VAC14: variants seen among roughly 807,000 people sequenced by gnomAD.
VAC14 encodes the protein VAC14 component of PIKFYVE complex.
VAC14 carries 47 observed loss-of-function variants against 85.3 expected under a neutral mutation model. The observed-to-expected ratio is 0.55, with a 90% CI of 0.44 to 0.70. The LOEUF is 0.70. VAC14 is among the 30% of genes least tolerant of loss of function. The probability of loss-of-function intolerance (pLI) is 0.00; values close to 1 mark genes in which losing one functional copy is unlikely to be tolerated. For missense variants in VAC14, 861 were observed against 1,004.3 expected (o/e 0.86, Z 1.93); for synonymous variants, 447 against 430.5 (o/e 1.04, Z -0.47).
chr16:70,749,834 C>A (rs1359246693), intron 12 of VAC14, among the ~76,000 whole-genome samples: 1 of 152,164 alleles, frequency 6.6e-6, no homozygotes, highest in Non-Finnish European at 1.5e-5. Context: ...CTCTGGAGCA[C>A]CAATCTCGAT....
chr16:70,786,172 A>G, intron 2 of VAC14, 43 bp downstream of exon 2: 1 of 1,601,250 alleles, frequency 6.2e-7, no homozygotes, highest in Non-Finnish European at 8.5e-7. Flanking sequence ...GGTCAGCGTC[A>G]AGGCCAGGAC....
chr16:70,706,745 GCCTC>G (rs1000711030), intron 14 of VAC14, among the ~76,000 whole-genome samples: 1 of 151,950 alleles, frequency 6.6e-6, no homozygotes, highest in Non-Finnish European at 1.5e-5. Context: ...ACCCGCCTCG[GCCTC>G]CCTAAGTGCT....
intron 14 of VAC14, chr16:70,715,838 C>G (rs2054154971): frequency 6.6e-6 from 1 of 152,218 alleles, no homozygotes; most frequent in African/African-American, 2.4e-5. Context: ...ACAGACCAGA[C>G]AGATACATGT....
intron 14 of VAC14, among the ~76,000 whole-genome samples, chr16:70,718,585 A>C (rs11645862): frequency 0.47 from 70,608 of 150,770 alleles, 18,054 homozygotes; most frequent in Non-Finnish European, 0.58. Context: ...AAAAAAAAAA[A>C]AACAAAAAAA....
Position 70,782,152 on chromosome 16 carries a change from T to G in VAC14, c.812-149A>C, listed in dbSNP as rs1401780227. On this transcript the variant is annotated intron_variant, in intron 7 of 18. Coordinates refer to ENST00000261776, the MANE Select transcript of VAC14 (RefSeq NM_018052.5). ...CCTCACCAATGCTCTACTACCTGTG[T>G]GCTTTGCCTTCCAAAGGTGGAGACA... 5 of 1,164,682 alleles carry G rather than the reference T, an allele frequency of 4.3e-6. No individual in the cohort carries two copies. The Admixed American group carries it at 1.4e-4, about 32-fold the overall frequency. 72.1% of individuals were successfully genotyped at this position (1,164,682 alleles called of 1,614,324 possible).
At position 70,798,290 on chromosome 16, in the gene VAC14, T is replaced by G. The variant is rs552991941; in HGVS notation, c.104+2507A>C. 1.6e-4 allele frequency among the ~76,000 whole-genome samples: 25 copies of G among 152,324 alleles called. No individual in the cohort carries two copies. In the South Asian group the frequency reaches 2.9e-3, roughly 18 times the overall value. On this transcript the variant is annotated intron_variant, in intron 1 of 18. Transcript: ENST00000261776. ...ACTTTCATTTAGGGAGCACATGAACTGACTCATTTACACTACATAGATAAC... is the reference window on the plus strand; with the variant it reads ...ACTTTCATTTAGGGAGCACATGAACGGACTCATTTACACTACATAGATAAC...
chr16:70,755,436 C>T (rs927691230), intron 12 of VAC14, among the ~76,000 whole-genome samples: 2 of 152,276 alleles, frequency 1.3e-5, no homozygotes, highest in Non-Finnish European at 2.9e-5. Context: ...GGCCGGGTCC[C>T]TGCTCTGCAG....
intron 8 of VAC14, among the ~76,000 whole-genome samples, chr16:70,781,292 G>A (rs74024454): frequency 0.035 from 5,307 of 152,252 alleles, 291 homozygotes; most frequent in African/African-American, 0.12. Context: ...GCCTCCTGTA[G>A]AGTCTGCAGA....
intron 13 of VAC14, among the ~76,000 whole-genome samples, chr16:70,742,309 G>A (rs1425558700): frequency 6.6e-6 from 1 of 152,164 alleles, no homozygotes; most frequent in Non-Finnish European, 1.5e-5. Flanking sequence ...CCGTCTTCCG[G>A]TCAGTTCTTG....
chr16:70,760,502 C>T (rs191071299), intron 12 of VAC14, among the ~76,000 whole-genome samples: 9 of 152,240 alleles, frequency 5.9e-5, no homozygotes, highest in East Asian at 1.9e-4. Flanking sequence ...CAAATCCCTC[C>T]TCTAGACAGA....
At chr16:70,745,868 T>C (rs1488855547) in intron 12 of VAC14, among the ~76,000 whole-genome samples, 1 of 152,166 alleles carries the variant, frequency 6.6e-6, no homozygotes, top group Non-Finnish European at 1.5e-5. Context: ...CAGAGCCTGA[T>C]GGGCAGGGCC....
intron 1 of VAC14, among the ~76,000 whole-genome samples, chr16:70,790,872 C>T (rs1247803582): frequency 6.6e-6 from 1 of 152,234 alleles, no homozygotes; most frequent in Non-Finnish European, 1.5e-5. Flanking sequence ...TATTCTTCAT[C>T]TCCAGGAAAA....
In VAC14 at chr16:70,697,167, G is replaced by A. The variant is rs2142991592; in HGVS notation, c.1927C>T (p.Arg643Trp). The change falls in exon 16 of 19, where the codon CGG becomes TGG. Residue 643 changes from arginine (R) to tryptophan (W), a missense_variant. This residue lies in a region of VAC14 where 69 missense variants were observed against 139.0 expected (regional missense o/e 0.50). Transcript: ENST00000261776. ...TTCTGGATGAGGTCATAGGCGTGCCGGTAGTTCTGGGTGAGGAAGCAGAGG... is the reference window on the plus strand; with the variant it reads ...TTCTGGATGAGGTCATAGGCGTGCCAGTAGTTCTGGGTGAGGAAGCAGAGG... ...VSLCFLTQNY[R>W]HAYDLIQKFG... The A allele has an allele frequency of 2.5e-6, 4 of 1,613,848 alleles. No individual in the cohort carries two copies. Among genetic ancestry groups the A allele is most frequent in the South Asian group, 1.1e-5 (1 of 91,052 alleles).
chr16:70,726,236 G>T (rs1166231004), intron 14 of VAC14, among the ~76,000 whole-genome samples: 1 of 152,284 alleles, frequency 6.6e-6, no homozygotes, highest in Non-Finnish European at 1.5e-5. Context: ...GGTGGGAAGA[G>T]GCCGGGGGAA....
At chr16:70,787,868 A>G (rs533849928) in intron 1 of VAC14, among the ~76,000 whole-genome samples, 1 of 152,330 alleles carries the variant, frequency 6.6e-6, no homozygotes, top group South Asian at 2.1e-4. Flanking sequence ...GATTTCATGT[A>G]CCAGGGAGCT....
In VAC14 at chr16:70,726,362, C is replaced by T. The variant is rs368357550; in HGVS notation, c.1661+5133G>A. The stretch of plus-strand genomic sequence containing the variant: ...GGGCCGGTGCACTGGAGCCAGCTCT[C>T]GGCACGGAAGGTGCCATGATTTCAT... On this transcript the variant is annotated intron_variant, in intron 14 of 18. Coordinates refer to ENST00000261776, the MANE Select transcript of VAC14 (RefSeq NM_018052.5). Among the ~76,000 whole-genome samples the T allele has an allele frequency of 5.9e-4, 90 of 152,282 alleles. 2 individuals carry two copies. In the East Asian group the frequency reaches 0.01, roughly 17 times the overall value.
At chr16:70,741,720 C>T (rs575894044) in intron 13 of VAC14, among the ~76,000 whole-genome samples, 2 of 152,320 alleles carry the variant, frequency 1.3e-5, no homozygotes, top group Admixed American at 1.3e-4. Flanking sequence ...CATGCTTTGT[C>T]GTTCTTCTAT....
At chr16:70,777,327 A>C (rs2033571789) in intron 9 of VAC14, among the ~76,000 whole-genome samples, 1 of 152,250 alleles carries the variant, frequency 6.6e-6, no homozygotes, top group Non-Finnish European at 1.5e-5. Flanking sequence ...ATTTTGTCTG[A>C]AACACACAAC....
At chr16:70,688,289 G>C in intron 18 of VAC14, 199 bp from the exon 19 acceptor site, 1 of 1,227,926 alleles carries the variant, frequency 8.1e-7, no homozygotes, top group Non-Finnish European at 1.0e-6. Flanking sequence ...TCCGCAGTTG[G>C]TGGGAACAGC....
Sources: allele counts gnomAD v4.1 joint callset (sites outside exome capture counted in the v4.1 genomes callset), GRCh38; gene constraint gnomAD v4.1.1; regional missense constraint gnomAD v4.1.1; transcripts MANE v1.5; gene names NCBI Gene and HGNC (gene_info 2026-07-23, HGNC 2026-07-21).